PTGER3: variants seen among roughly 807,000 people sequenced by gnomAD.
PTGER3 encodes prostaglandin E2 receptor EP3 subtype.
In PTGER3, 22 loss-of-function variants were observed where a neutral mutation model predicts 34.7. The ratio of observed to expected loss-of-function variants is 0.63; its 90% CI spans 0.45 to 0.91. PTGER3 has a LOEUF of 0.91. Ranked by LOEUF, PTGER3 falls within the 40% of genes least tolerant of loss-of-function variation. PTGER3 has a pLI of 0.00. For missense variants in PTGER3, 468 were observed against 519.4 expected (o/e 0.90, Z 0.96); for synonymous variants, 241 against 230.1 (o/e 1.05, Z -0.43).
At chr1:70,873,429 A>T (rs994668749) in intron 4 of PTGER3, among the ~76,000 whole-genome samples, 1 of 152,196 alleles carries the variant, frequency 6.6e-6, no homozygotes, top group Non-Finnish European at 1.5e-5. Context: ...GGTGAGTCAT[A>T]TAATAGACTA....
downstream of PTGER3, among the ~76,000 whole-genome samples, chr1:70,948,886 C>T (rs1046029850): frequency 6.6e-6 from 1 of 152,070 alleles, no homozygotes; most frequent in African/African-American, 2.4e-5. Flanking sequence ...TGAGTCTCTT[C>T]CACAAATGTT....
intron 4 of PTGER3, among the ~76,000 whole-genome samples, chr1:70,881,481 A>G (rs1326283584): frequency 2.6e-5 from 4 of 152,100 alleles, no homozygotes; most frequent in Non-Finnish European, 5.9e-5. Context: ...GTAAGAAGAC[A>G]TTTTTGCCTT....
chr1:70,881,581 C>T (rs1646391690), intron 4 of PTGER3, among the ~76,000 whole-genome samples: 1 of 151,972 alleles, frequency 6.6e-6, no homozygotes, highest in Non-Finnish European at 1.5e-5. Context: ...AAGTTGCAGT[C>T]CTTTGGATGG....
intron 1 of PTGER3, 32 bp from the exon 2 acceptor site, chr1:71,012,516 G>T: frequency 1.3e-6 from 2 of 1,581,920 alleles, no homozygotes; most frequent in Non-Finnish European, 1.7e-6. Context: ...TTGTTTCAAA[G>T]ATTAGTAAGG....
At chr1:70,928,367 C>T (rs1424106852) in intron 4 of PTGER3, among the ~76,000 whole-genome samples, 2 of 151,180 alleles carry the variant, frequency 1.3e-5, no homozygotes, top group Non-Finnish European at 2.9e-5. Flanking sequence ...GGCAAAGTGG[C>T]TCATGCTTAC....
intron 4 of PTGER3, among the ~76,000 whole-genome samples, chr1:70,912,554 C>G (rs1383366699): frequency 6.6e-6 from 1 of 151,896 alleles, no homozygotes; most frequent in Non-Finnish European, 1.5e-5. Flanking sequence ...TTTTAAATCT[C>G]AAAATGAAAG....
At position 70,973,252 on chromosome 1, in the gene PTGER3, TA is replaced by T. The variant is rs1185873330; in HGVS notation, c.1169+1044del. 4.0e-5 allele frequency among the ~76,000 whole-genome samples: 6 copies of T among 148,878 alleles called. No homozygotes were observed. The East Asian group carries it at 9.7e-4, about 24-fold the overall frequency. ...ATAGATAGATAGATAGATAGATAGA[TA>T]GATAGATAGATAGATGATAGATACG... On this transcript the variant is annotated intron_variant, in intron 3 of 3. Transcript: ENST00000306666.
At chr1:70,979,540 G>C (rs1472723929) in intron 2 of PTGER3, among the ~76,000 whole-genome samples, 1 of 151,996 alleles carries the variant, frequency 6.6e-6, no homozygotes, top group Non-Finnish European at 1.5e-5. Flanking sequence ...CTGGTCTTTT[G>C]GGTGTGAGCC....
chr1:70,859,815 A>T (rs945000185), intron 4 of PTGER3, among the ~76,000 whole-genome samples: 6 of 152,224 alleles, frequency 3.9e-5, no homozygotes, highest in Admixed American at 6.5e-5. Flanking sequence ...GAGGAAGTTG[A>T]CAAGAAAGAT....
At chr1:71,030,051 A>C (rs376078393) in intron 1 of PTGER3, among the ~76,000 whole-genome samples, 3 of 152,148 alleles carry the variant, frequency 2.0e-5, no homozygotes, top group East Asian at 1.9e-4. Flanking sequence ...TTTGAGACAA[A>C]GTCCACATTT....
chr1:70,935,635 A>C (rs1158847012), intron 4 of PTGER3, among the ~76,000 whole-genome samples: 4 of 148,530 alleles, frequency 2.7e-5, no homozygotes, highest in African/African-American at 1.0e-4. Context: ...AAATACTTCT[A>C]TTGAGACATT....
intron 2 of PTGER3, among the ~76,000 whole-genome samples, chr1:70,991,840 G>A (rs958214432): frequency 6.6e-6 from 1 of 152,128 alleles, no homozygotes. Context: ...CTCAGATAAT[G>A]CATTTACTTT....
At chr1:70,950,022 A>G (rs1026606457), downstream of PTGER3, among the ~76,000 whole-genome samples, 1 of 152,152 alleles carries the variant, frequency 6.6e-6, no homozygotes, top group Non-Finnish European at 1.5e-5. Context: ...CCAGAGGCAA[A>G]TTCCCAGCAC....
chr1:71,020,863 T>C (rs1441586550), intron 1 of PTGER3, among the ~76,000 whole-genome samples: 1 of 152,114 alleles, frequency 6.6e-6, no homozygotes, highest in Non-Finnish European at 1.5e-5. Context: ...CTAATTTTGG[T>C]TCTTAACTTC....
At chr1:70,947,581 C>T (rs2100569109), downstream of PTGER3, 1 of 152,210 alleles carries the variant, frequency 6.6e-6, no homozygotes, top group Middle Eastern at 3.4e-3. Flanking sequence ...CTTTTTCTTT[C>T]TTTCTTTTTC....
chr1:70,977,793 T>C (rs992813601), intron 2 of PTGER3, among the ~76,000 whole-genome samples: 5 of 152,042 alleles, frequency 3.3e-5, no homozygotes, highest in African/African-American at 1.2e-4. Flanking sequence ...ACACCTGTGC[T>C]TGACTGTTTG....
At chr1:70,946,765 G>A (rs1026249228) in intron 4 of PTGER3, among the ~76,000 whole-genome samples, 3 of 152,044 alleles carry the variant, frequency 2.0e-5, no homozygotes, top group Non-Finnish European at 4.4e-5. Context: ...ATTTCCAATT[G>A]GACTGTGGCC....
At chr1:70,952,966 C>G in exon 4 of PTGER3, 4 of 1,613,278 alleles carry the variant, frequency 2.5e-6, no homozygotes, top group Middle Eastern at 1.7e-4. Flanking sequence ...ACGAGTACCT[C>G]CATTTCTTCT....
chr1:71,011,591 G>A (rs1257419614), intron 2 of PTGER3: 13 of 984,620 alleles, frequency 1.3e-5, no homozygotes, highest in South Asian at 9.4e-5. Flanking sequence ...CAAACAAATG[G>A]AATTGGTTCT....
Sources: allele counts gnomAD v4.1 joint callset (sites outside exome capture counted in the v4.1 genomes callset), GRCh38; gene constraint gnomAD v4.1.1; transcripts MANE v1.5; gene names NCBI Gene and HGNC (gene_info 2026-07-23, HGNC 2026-07-21).